The following RAD54L2 variants were observed in gnomAD, a reference collection of about 807,000 sequenced individuals.
RAD54L2 encodes helicase ARIP4.
A neutral mutation model predicts 138.4 loss-of-function variants in RAD54L2; 27 were observed. The observed-to-expected ratio is 0.20, with a 90% CI of 0.14 to 0.27. The LOEUF (loss-of-function observed/expected upper bound fraction) is 0.27, where lower values mean the gene tolerates loss of function less well. Ranked by LOEUF, RAD54L2 falls within the 10% of genes least tolerant of loss-of-function variation. The probability of loss-of-function intolerance (pLI) is 1.00; values close to 1 mark genes in which losing one functional copy is unlikely to be tolerated. For synonymous variants in RAD54L2, 644 were observed against 723.2 expected, an observed-to-expected ratio of 0.89 and a Z score of 1.76; for missense variants, 1,396 against 1,890.2, an observed-to-expected ratio of 0.74 and a Z score of 4.85.
At chr3:51,593,151 G>C (rs1428905369) in intron 3 of RAD54L2, among the ~76,000 whole-genome samples, 2 of 152,014 alleles carry the variant, frequency 1.3e-5, no homozygotes. Context: ...TGTCAGGATT[G>C]TTGGGGGTGG....
intron 2 of RAD54L2, among the ~76,000 whole-genome samples, chr3:51,544,633 T>C (rs537639610): frequency 1.3e-4 from 20 of 152,288 alleles, no homozygotes; most frequent in Admixed American, 4.6e-4. Context: ...AGATGGAGTC[T>C]TGCTCTGTCA....
In RAD54L2 at chr3:51,639,973, G is replaced by C; in HGVS notation, c.2205G>C (p.Lys735Asn). The change falls in exon 14 of 23, where the codon AAG becomes AAC. Residue 735 changes from lysine (K) to asparagine (N), a missense_variant. By Grantham distance (94) the Lys-to-Asn change is moderately conservative (BLOSUM62 0). This residue lies in a region of RAD54L2 where 211 missense variants were observed against 273.8 expected (regional missense o/e 0.77). Transcript: ENST00000684192. ...LLFHLIEESV[K>N]LGDKILVFSQ... ...TCCACCTGATTGAGGAAAGTGTGAAGCTTGGGGACAAGATCCTTGTGTTTA... is the reference window on the plus strand; with the variant it reads ...TCCACCTGATTGAGGAAAGTGTGAACCTTGGGGACAAGATCCTTGTGTTTA... 1 of 1,608,638 alleles carries C rather than the reference G, an allele frequency of 6.2e-7. No homozygotes were observed. The highest frequency in any genetic ancestry group is 1.7e-4 in the Middle Eastern group (1 of 6,052).
chr3:51,645,064 G>T lies in RAD54L2; in HGVS notation c.2491G>T (p.Val831Leu). The T allele has an allele frequency of 6.2e-7, 1 of 1,613,900 alleles. No homozygotes were observed. The highest frequency in any genetic ancestry group is 8.5e-7 in the Non-Finnish European group (1 of 1,179,888). The change falls in exon 17 of 23, where the codon GTG becomes TTG. Residue 831 changes from valine to leucine, a missense_variant. Around this residue, in one of 7 missense-constraint regions of RAD54L2, gnomAD observed 78 missense variants for 171.6 expected, o/e 0.45. Transcript: ENST00000684192. This position sits in a 1 kb window ranked among gnomAD's most constrained non-coding sequence, Gnocchi z 6.1. Reference sequence around the variant, plus strand: ...TGTGAATCTGATTGGTGCCAACCGAGTGGTGGTGTTTGATGCTTCCTGGAA... The same window carrying T: ...TGTGAATCTGATTGGTGCCAACCGATTGGTGGTGTTTGATGCTTCCTGGAA... ...LGVNLIGANR[V>L]VVFDASWNPC... is the part of the protein sequence containing the mutation.
At chr3:51,635,871 G>A in intron 10 of RAD54L2, 82 bp downstream of exon 10, 1 of 1,349,578 alleles carries the variant, frequency 7.4e-7, no homozygotes. Flanking sequence ...CTAGTCAGAT[G>A]TAAAGTGCAT....
intron 2 of RAD54L2, among the ~76,000 whole-genome samples, chr3:51,583,839 G>C (rs1699659085): frequency 6.7e-6 from 1 of 149,192 alleles, no homozygotes; most frequent in Non-Finnish European, 1.5e-5. Flanking sequence ...CTTGCACTTT[G>C]AATGGCTTTT....
intron 3 of RAD54L2, among the ~76,000 whole-genome samples, chr3:51,619,233 A>G (rs1205417547): frequency 1.3e-5 from 2 of 151,850 alleles, no homozygotes; most frequent in Non-Finnish European, 1.5e-5. Context: ...AATTTTTTGT[A>G]TTTTTAGTAG....
At chr3:51,606,665 T>A (rs920014915) in intron 3 of RAD54L2, among the ~76,000 whole-genome samples, 2 of 152,254 alleles carry the variant, frequency 1.3e-5, no homozygotes, top group East Asian at 1.9e-4. Context: ...AGTTTATTTT[T>A]TTTTTTATGT....
At position 51,662,601 on chromosome 3, in the gene RAD54L2, C is replaced by T. The variant is rs751294877; in HGVS notation, c.3585C>T (p.Ser1195=). 9 of 1,613,182 alleles carry T rather than the reference C, an allele frequency of 5.6e-6. No individual in the cohort carries two copies. In the Admixed American group the frequency reaches 1.5e-4, roughly 27 times the overall value. ...CTGCCCGGGAATCCCGTCAGAGCTC[C>T]CCAAGCACCAATGCCGCCCTGCCTG... ...VAAARESRQS[S]PSTNAALPGP... is the part of the protein sequence containing the mutation. The change falls in exon 23 of 23, where the codon TCC becomes TCT. Residue 1195 remains serine, a synonymous_variant. Coordinates refer to ENST00000684192, the MANE Select transcript of RAD54L2 (RefSeq NM_015106.4). This position sits in a 1 kb window ranked among gnomAD's most constrained non-coding sequence, Gnocchi z 4.6.
intron 6 of RAD54L2, 61 bp downstream of exon 6, chr3:51,630,449 T>C: frequency 6.7e-7 from 1 of 1,485,334 alleles, no homozygotes; most frequent in Non-Finnish European, 9.4e-7. Context: ...AGATCGGCTA[T>C]ACTTTGAAAA....
chr3:51,592,801 C>G (rs932796055), intron 3 of RAD54L2, among the ~76,000 whole-genome samples: 3 of 152,088 alleles, frequency 2.0e-5, no homozygotes, highest in African/African-American at 7.2e-5. Context: ...TCTTGAACTC[C>G]TGACCTCAGG....
intron 2 of RAD54L2, among the ~76,000 whole-genome samples, chr3:51,587,720 CTTTTT>C (rs1699739599): frequency 2.0e-5 from 3 of 151,978 alleles, no homozygotes; most frequent in Non-Finnish European, 4.4e-5. Flanking sequence ...GTTTGCTTTT[CTTTTT>C]TTCTTTTCTG....
intron 3 of RAD54L2, among the ~76,000 whole-genome samples, chr3:51,623,124 G>A (rs1462783567): frequency 6.6e-6 from 1 of 152,266 alleles, no homozygotes; most frequent in African/African-American, 2.4e-5. Context: ...GGGAGCAGGA[G>A]AGGCAACAGT....
intron 19 of RAD54L2, among the ~76,000 whole-genome samples, chr3:51,650,361 A>G (rs1045205251): frequency 1.3e-5 from 2 of 152,210 alleles, no homozygotes; most frequent in Admixed American, 6.5e-5. Context: ...CCCACTGTCA[A>G]GATTAGACAG....
chr3:51,539,094 G>A (rs951486278), intron 1 of RAD54L2, among the ~76,000 whole-genome samples, 179 bp downstream of exon 1: 19 of 152,334 alleles, frequency 1.2e-4, no homozygotes, highest in Admixed American at 1.2e-3. Flanking sequence ...TCCAGTGGCC[G>A]GAGGCTTGGC....
At chr3:51,557,333 C>G (rs1372009196) in intron 2 of RAD54L2, among the ~76,000 whole-genome samples, 1 of 151,866 alleles carries the variant, frequency 6.6e-6, no homozygotes, top group Non-Finnish European at 1.5e-5. Flanking sequence ...CAAGTGCACA[C>G]TGCCATGCCC....
intron 2 of RAD54L2, among the ~76,000 whole-genome samples, chr3:51,545,842 A>T (rs1207522609): frequency 7.9e-5 from 12 of 151,750 alleles, no homozygotes; most frequent in Admixed American, 5.9e-4. Flanking sequence ...TGGCCTCCCA[A>T]TCAAATTAGT....
chr3:51,557,837 A>C (rs1473591497), intron 2 of RAD54L2, among the ~76,000 whole-genome samples: 1 of 150,336 alleles, frequency 6.7e-6, no homozygotes, highest in African/African-American at 2.4e-5. Context: ...TCTCAAAAAA[A>C]AAAAAAAAAA....
intron 2 of RAD54L2, among the ~76,000 whole-genome samples, chr3:51,554,379 A>AT (rs1169303949): frequency 6.6e-6 from 1 of 151,708 alleles, no homozygotes; most frequent in Non-Finnish European, 1.5e-5. Flanking sequence ...AAAAAAAAAA[A>AT]ATTAGCTGGG....
intron 3 of RAD54L2, among the ~76,000 whole-genome samples, chr3:51,606,992 T>TTTA (rs908513446): frequency 9.4e-5 from 14 of 149,670 alleles, no homozygotes; most frequent in Middle Eastern, 3.5e-3. Context: ...TATTGTTTTA[T>TTTA]TTATTATTAT....
Sources: allele counts gnomAD v4.1 joint callset (sites outside exome capture counted in the v4.1 genomes callset), GRCh38; gene constraint gnomAD v4.1.1; regional missense constraint gnomAD v4.1.1; non-coding constraint Gnocchi (gnomAD v3.1); transcripts MANE v1.5; gene names NCBI Gene and HGNC (gene_info 2026-07-23, HGNC 2026-07-21).